GLIPR2: variants seen among roughly 807,000 people sequenced by gnomAD.
GLIPR2 encodes Golgi-associated plant pathogenesis-related protein 1.
A neutral mutation model predicts 20.4 loss-of-function variants in GLIPR2; 21 were observed. That is an observed-to-expected ratio of 1.03 (90% CI 0.73 to 1.48). The LOEUF (loss-of-function observed/expected upper bound fraction) is 1.48. Among genes scored for constraint, GLIPR2 ranks in the 40% most tolerant of loss-of-function variants. The probability of loss-of-function intolerance (pLI) is 0.00; values close to 1 mark genes in which losing one functional copy is unlikely to be tolerated. For synonymous variants in GLIPR2, 91 were observed against 80.5 expected, an observed-to-expected ratio of 1.13 and a Z score of -0.70; for missense variants, 205 against 200.1, an observed-to-expected ratio of 1.02 and a Z score of -0.15.
At chr9:36,156,087 G>A (rs1294576099) in intron 4 of GLIPR2, among the ~76,000 whole-genome samples, 1 of 152,148 alleles carries the variant, frequency 6.6e-6, no homozygotes, top group Non-Finnish European at 1.5e-5. Context: ...GCGCACGCCT[G>A]TAATCCCAGC....
upstream of GLIPR2, chr9:36,136,676 A>G: frequency 4.7e-6 from 4 of 859,266 alleles, no homozygotes; most frequent in South Asian, 5.8e-5. This position sits in a 1 kb window ranked among gnomAD's most constrained non-coding sequence, Gnocchi z 4.3. Context: ...GCGCCGGAGG[A>G]GGGGCCGCGG....
rs1824842818 is a variant in GLIPR2, at chr9:36,136,869, G to T, written c.13+78G>T. The stretch of plus-strand genomic sequence containing the variant: ...GACCTCGCCGTCTCCCTCGTCCGCC[G>T]CAAGCCAGGTCCTGGGGAGTGCGGG... On this transcript the variant is annotated intron_variant, in intron 1 of 4. Transcript: ENST00000377960. The surrounding 1 kb of genome is among the most constrained non-coding windows in gnomAD (Gnocchi z 4.3). The T allele has an allele frequency of 8.0e-7, 1 of 1,251,444 alleles. No individual in the cohort carries two copies. Among genetic ancestry groups the T allele is most frequent in the Admixed American group, 4.2e-5 (1 of 23,620 alleles). The allele number at this position is 1,251,444 out of a possible 1,614,324, so 77.5% of individuals were successfully genotyped here. A position where few individuals can be genotyped will look rare whatever the true frequency, so the allele number is the denominator to read the frequency against.
Position 36,136,793 on chromosome 9 carries a change from T to C in GLIPR2, c.13+2T>C, listed in dbSNP as rs1345017362. 2 of 1,301,242 alleles carry C rather than the reference T, an allele frequency of 1.5e-6. No homozygotes were observed. The highest frequency in any genetic ancestry group is 9.7e-7 in the Non-Finnish European group (1 of 1,027,786). The allele number at this position is 1,301,242 out of a possible 1,614,324, so 80.6% of individuals were successfully genotyped here. A position where few individuals can be genotyped will look rare whatever the true frequency, so the allele number is the denominator to read the frequency against. ...CGGAGCCGGCCATGGGCAAGTCAGGTGAGCCCGCGGGCTCGCCCGCTGCGG... is the reference window on the plus strand; with the variant it reads ...CGGAGCCGGCCATGGGCAAGTCAGGCGAGCCCGCGGGCTCGCCCGCTGCGG... On this transcript the variant is annotated splice_donor_variant, in intron 1 of 4. Transcript: ENST00000377960. LOFTEE classifies it high-confidence loss of function. This position sits in a 1 kb window ranked among gnomAD's most constrained non-coding sequence, Gnocchi z 4.3.
Position 36,136,941 on chromosome 9 carries a change from G to C in GLIPR2, c.13+150G>C, listed in dbSNP as rs1824847214. ...GCGCGCGGGCGGAGCGCCCCGGCGC[G>C]GTTTCCGGGGAACCCGGGGGGAAGG... On this transcript the variant is annotated intron_variant, in intron 1 of 4. Coordinates refer to ENST00000377960, the MANE Select transcript of GLIPR2 (RefSeq NM_022343.4). The surrounding 1 kb of genome is among the most constrained non-coding windows in gnomAD (Gnocchi z 4.3). The C allele has an allele frequency of 1.1e-6, 1 of 947,176 alleles. No homozygotes were observed. Among genetic ancestry groups the C allele is most frequent in the African/African-American group, 1.7e-5 (1 of 58,866 alleles). 58.7% of individuals were successfully genotyped at this position (947,176 alleles called of 1,614,324 possible). A position where few individuals can be genotyped will look rare whatever the true frequency, so the allele number is the denominator to read the frequency against.
chr9:36,151,529 G>A (rs1162248181), intron 4 of GLIPR2, among the ~76,000 whole-genome samples: 1 of 152,146 alleles, frequency 6.6e-6, no homozygotes, highest in African/African-American at 2.4e-5. Context: ...GGGGTGCAGA[G>A]AACCTGGATC....
intron 1 of GLIPR2, among the ~76,000 whole-genome samples, chr9:36,145,327 G>C (rs890351438): frequency 4.6e-5 from 7 of 152,232 alleles, no homozygotes; most frequent in Admixed American, 1.3e-4. Context: ...CCTCCTTCCT[G>C]ATCCCATGTT....
intron 4 of GLIPR2, among the ~76,000 whole-genome samples, chr9:36,154,103 C>CT: frequency 7.0e-6 from 1 of 143,100 alleles, no homozygotes; most frequent in Non-Finnish European, 1.5e-5. Flanking sequence ...ATATCTTTTC[C>CT]CCCCCCCTTT....
chr9:36,139,450 C>G (rs1587125399), intron 1 of GLIPR2, among the ~76,000 whole-genome samples: 1 of 152,068 alleles, frequency 6.6e-6, no homozygotes, highest in East Asian at 1.9e-4. Flanking sequence ...TCTGGCTCTC[C>G]TAGGGTCCCT....
intron 1 of GLIPR2, among the ~76,000 whole-genome samples, chr9:36,146,970 G>A (rs1281242174): frequency 6.6e-6 from 1 of 152,134 alleles, no homozygotes; most frequent in East Asian, 1.9e-4. Flanking sequence ...ACTCTGCGGT[G>A]GCTCTGCCCC....
At chr9:36,144,303 T>A (rs1210566213) in intron 1 of GLIPR2, 2 of 152,232 alleles carry the variant, frequency 1.3e-5, no homozygotes, top group Non-Finnish European at 2.9e-5. Context: ...TAAAAATGCA[T>A]AGCATAAAAT....
At chr9:36,148,694 A>G (rs1418540808) in intron 3 of GLIPR2, 44 bp downstream of exon 3, 3 of 1,332,178 alleles carry the variant, frequency 2.3e-6, no homozygotes, top group Non-Finnish European at 1.1e-6. Flanking sequence ...GGGAGCTGGA[A>G]GAAGGACAAG....
chr9:36,152,940 C>G (rs1825660545), intron 4 of GLIPR2, among the ~76,000 whole-genome samples: 1 of 103,224 alleles, frequency 9.7e-6, no homozygotes, highest in East Asian at 3.1e-4. Context: ...AATCCTGTCT[C>G]TACTGAAAGT....
At chr9:36,150,981 C>G (rs755993975) in intron 4 of GLIPR2, 32 bp downstream of exon 4, 1 of 1,506,912 alleles carries the variant, frequency 6.6e-7, no homozygotes. Flanking sequence ...GTGGCCTGGC[C>G]CTGGGCAGCA....
intron 3 of GLIPR2, among the ~76,000 whole-genome samples, chr9:36,149,832 A>G (rs1825503088): frequency 6.6e-6 from 1 of 152,222 alleles, no homozygotes; most frequent in African/African-American, 2.4e-5. Flanking sequence ...GTTTGAGACC[A>G]GAATGACCAA....
intron 4 of GLIPR2, among the ~76,000 whole-genome samples, chr9:36,159,046 C>A (rs562105321): frequency 1.5e-4 from 23 of 152,142 alleles, no homozygotes; most frequent in African/African-American, 5.5e-4. Flanking sequence ...GCCTAGACAA[C>A]AGAGAGAGAC....
intron 1 of GLIPR2, among the ~76,000 whole-genome samples, chr9:36,137,467 G>T (rs752352): frequency 0.091 from 13,869 of 152,210 alleles, 728 homozygotes; most frequent in Non-Finnish European, 0.099. Context: ...CCAGAAGCTG[G>T]TGCACAGGTC....
chr9:36,157,683 AACACACACACAC>A (rs567476723), intron 4 of GLIPR2, among the ~76,000 whole-genome samples: 2 of 146,238 alleles, frequency 1.4e-5, no homozygotes, highest in Non-Finnish European at 3.0e-5. Context: ...ATATCTGTTA[AACACACACACAC>A]ACACACACAC....
chr9:36,155,497 G>A lies in GLIPR2; in HGVS notation c.304+4548G>A, dbSNP rs1184394188. Among the ~76,000 whole-genome samples, 6 of 152,144 alleles carry A rather than the reference G, an allele frequency of 3.9e-5. No individual in the cohort carries two copies. The East Asian group carries it at 1.2e-3, about 29-fold the overall frequency. ...TAATCCCAGCTACTCAGGAGGCTGAGGCAGGAGAATCACTTGAACCCAGGA... is the reference window on the plus strand; with the variant it reads ...TAATCCCAGCTACTCAGGAGGCTGAAGCAGGAGAATCACTTGAACCCAGGA... On this transcript the variant is annotated intron_variant, in intron 4 of 4. Coordinates refer to ENST00000377960, the MANE Select transcript of GLIPR2 (RefSeq NM_022343.4).
At chr9:36,148,500 G>T (rs1215182337) in intron 2 of GLIPR2, 47 bp from the exon 3 acceptor site, 19 of 1,412,844 alleles carry the variant, frequency 1.3e-5, no homozygotes, top group Non-Finnish European at 1.9e-5. Flanking sequence ...TACTTTGGGG[G>T]TTCCCTGAAC....
Sources: allele counts gnomAD v4.1 joint callset (sites outside exome capture counted in the v4.1 genomes callset), GRCh38; gene constraint gnomAD v4.1.1; non-coding constraint Gnocchi (gnomAD v3.1); transcripts MANE v1.5; gene names NCBI Gene and HGNC (gene_info 2026-07-23, HGNC 2026-07-21).